Variants in DOK5 observed in about 807,000 individuals in gnomAD.
The protein encoded by DOK5 is downstream of tyrosine kinase 5.
A neutral mutation model predicts 43.3 loss-of-function variants in DOK5; 27 were observed. That is an observed-to-expected ratio of 0.62 (90% CI 0.46 to 0.86). The LOEUF is 0.86. Ranked by LOEUF, DOK5 falls within the 40% of genes least tolerant of loss-of-function variation. The pLI, the probability that DOK5 is intolerant of heterozygous loss-of-function variation, is 0.00. For synonymous variants in DOK5, 146 were observed against 140.1 expected, an observed-to-expected ratio of 1.04 and a Z score of -0.30; for missense variants, 373 against 392.9, an observed-to-expected ratio of 0.95 and a Z score of 0.43.
In DOK5 at chr20:54,517,529, A is replaced by C. The variant is rs546362607; in HGVS notation, c.67-37404A>C. Among the ~76,000 whole-genome samples, 7 of 152,268 alleles carry C rather than the reference A, an allele frequency of 4.6e-5. No individual in the cohort carries two copies. The South Asian group carries it at 1.2e-3, about 27-fold the overall frequency. ...GTGATTTGTTTAATATTTCTCTGTT[A>C]GTTTCCTTATTAGTAAAATAAAATA... On this transcript the variant is annotated intron_variant, in intron 1 of 7. Coordinates refer to ENST00000262593, the MANE Select transcript of DOK5 (RefSeq NM_018431.5).
intron 1 of DOK5, among the ~76,000 whole-genome samples, chr20:54,480,958 C>CTA (rs1366220280): frequency 1.7e-5 from 2 of 118,956 alleles, no homozygotes; most frequent in Non-Finnish European, 3.5e-5. Flanking sequence ...TATCATCTAT[C>CTA]TATCATCTAT....
At chr20:54,591,901 A>T in intron 5 of DOK5, 96 bp downstream of exon 5, 5 of 1,088,818 alleles carry the variant, frequency 4.6e-6, no homozygotes, top group Non-Finnish European at 6.4e-6. Flanking sequence ...AGGTTTACAT[A>T]TGAGATCCAG....
chr20:54,565,215 C>T (rs1985054132), intron 2 of DOK5, among the ~76,000 whole-genome samples: 1 of 152,184 alleles, frequency 6.6e-6, no homozygotes, highest in African/African-American at 2.4e-5. Flanking sequence ...CCTATCCATA[C>T]ATACCTATGA....
chr20:54,583,725 T>G (rs1246438461), intron 2 of DOK5, among the ~76,000 whole-genome samples: 1 of 152,190 alleles, frequency 6.6e-6, no homozygotes, highest in African/African-American at 2.4e-5. Flanking sequence ...GACTGCTGTT[T>G]CTATGGGTTA....
At chr20:54,609,356 A>G (rs1306600467) in intron 5 of DOK5, among the ~76,000 whole-genome samples, 1 of 152,208 alleles carries the variant, frequency 6.6e-6, no homozygotes, top group Non-Finnish European at 1.5e-5. Context: ...CAAGCAAGCA[A>G]ACAAAACAAC....
chr20:54,579,830 G>A (rs1289377217), intron 2 of DOK5, among the ~76,000 whole-genome samples: 1 of 151,834 alleles, frequency 6.6e-6, no homozygotes, highest in Admixed American at 6.6e-5. Flanking sequence ...TGTGCAGAAT[G>A]TGCAGTTTTG....
chr20:54,606,673 G>A (rs1209731424), intron 5 of DOK5, among the ~76,000 whole-genome samples: 2 of 152,146 alleles, frequency 1.3e-5, no homozygotes, highest in African/African-American at 4.8e-5. Context: ...TTAGAGTGTT[G>A]TAAAGCTGCT....
chr20:54,608,498 T>C (rs1986540476), intron 5 of DOK5, among the ~76,000 whole-genome samples: 1 of 152,222 alleles, frequency 6.6e-6, no homozygotes, highest in South Asian at 2.1e-4. Flanking sequence ...TTAAGATGTC[T>C]TCAGGGAAGA....
At chr20:54,521,353 C>T (rs994184661) in intron 1 of DOK5, among the ~76,000 whole-genome samples, 26 of 152,156 alleles carry the variant, frequency 1.7e-4, no homozygotes, top group African/African-American at 5.1e-4. Flanking sequence ...ACTGTCCCTA[C>T]TTCAGACGCC....
intron 5 of DOK5, among the ~76,000 whole-genome samples, chr20:54,606,710 T>G (rs1986481058): frequency 6.6e-6 from 1 of 152,088 alleles, no homozygotes; most frequent in Non-Finnish European, 1.5e-5. Context: ...ACACATCAAT[T>G]AGGAGGGGTG....
Position 54,476,032 on chromosome 20 carries a change from G to A in DOK5, c.66+20G>A. On this transcript the variant is annotated intron_variant, in intron 1 of 7. Coordinates refer to ENST00000262593, the MANE Select transcript of DOK5 (RefSeq NM_018431.5). ...CTCGGGGTGAGTATCGATCCTCTCC[G>A]TGTTGCTGTTCGCCGGTTCGATTGT... 6.2e-7 allele frequency: 1 copy of A among 1,612,552 alleles called. No individual in the cohort carries two copies. Among genetic ancestry groups the A allele is most frequent in the Non-Finnish European group, 8.5e-7 (1 of 1,179,718 alleles).
intron 1 of DOK5, among the ~76,000 whole-genome samples, chr20:54,540,719 T>A (rs1467816342): frequency 1.3e-5 from 2 of 152,034 alleles, no homozygotes; most frequent in African/African-American, 4.8e-5. Context: ...AGATGAGTTA[T>A]CACCATGTTA....
chr20:54,573,455 A>T (rs1985356011), intron 2 of DOK5, among the ~76,000 whole-genome samples: 1 of 152,184 alleles, frequency 6.6e-6, no homozygotes. Flanking sequence ...TGGGAGGCCG[A>T]GGCAGGCAGA....
At chr20:54,571,648 A>G (rs955808272) in intron 2 of DOK5, among the ~76,000 whole-genome samples, 37 of 152,228 alleles carry the variant, frequency 2.4e-4, no homozygotes, top group African/African-American at 8.4e-4. Context: ...GGTGGGCAAA[A>G]TCTTCCCCAG....
Position 54,476,024 on chromosome 20 carries a change from TC to T in DOK5, c.66+14del. On this transcript the variant is annotated intron_variant, in intron 1 of 7. Coordinates refer to ENST00000262593, the MANE Select transcript of DOK5 (RefSeq NM_018431.5). Reference sequence around the variant, plus strand: ...GCAGACGCCTCGGGGTGAGTATCGATCCTCTCCGTGTTGCTGTTCGCCGGTT... The same window carrying T: ...GCAGACGCCTCGGGGTGAGTATCGATCTCTCCGTGTTGCTGTTCGCCGGTT... 1 of 1,612,970 alleles carries T rather than the reference TC, an allele frequency of 6.2e-7. No homozygotes were observed. The highest frequency in any genetic ancestry group is 1.3e-5 in the African/African-American group (1 of 75,040).
chr20:54,494,390 A>G (rs1295126652), intron 1 of DOK5, among the ~76,000 whole-genome samples: 1 of 152,300 alleles, frequency 6.6e-6, no homozygotes, highest in East Asian at 1.9e-4. Context: ...CTGTGGGAAG[A>G]TTGACTATGA....
chr20:54,601,457 T>C (rs1357468092), intron 5 of DOK5, among the ~76,000 whole-genome samples: 1 of 152,240 alleles, frequency 6.6e-6, no homozygotes, highest in African/African-American at 2.4e-5. Context: ...TCATAAGTGA[T>C]AAAGAACAGA....
rs11483522 is a variant in DOK5 at position 54,550,180 on chromosome 20, C to CAAA, written c.67-4738_67-4736dup. On this transcript the variant is annotated intron_variant, in intron 1 of 7. Transcript: ENST00000262593. ...CGTTAATTAGACTGTGATTGGATGG[C>CAAA]AAAAAAAAAAAAAAAAAGGACTGGA... Among the ~76,000 whole-genome samples the CAAA allele has an allele frequency of 1.6e-3, 138 of 87,414 alleles. 2 individuals are homozygous for CAAA. Among genetic ancestry groups the CAAA allele is most frequent in the African/African-American group, 4.3e-3 (130 of 30,150 alleles). 57.3% of individuals were successfully genotyped at this position (87,414 alleles called of 152,430 possible).
At chr20:54,622,350 G>T (rs554457531) in intron 6 of DOK5, among the ~76,000 whole-genome samples, 2 of 152,282 alleles carry the variant, frequency 1.3e-5, no homozygotes, top group African/African-American at 4.8e-5. Context: ...CGATGGCTTT[G>T]TTCCTGTGTA....
Sources: gnomAD v4.1 joint callset for allele counts (sites outside exome capture counted in the v4.1 genomes callset) on GRCh38, gnomAD v4.1.1 for gene constraint, MANE v1.5 for transcripts, NCBI Gene and HGNC (gene_info 2026-07-23, HGNC 2026-07-21) for gene names.